The following NTSR1 variants were observed in gnomAD, a reference collection of about 807,000 sequenced individuals.
NTSR1 encodes the protein neurotensin receptor type 1.
A neutral mutation model predicts 31.2 loss-of-function variants in NTSR1; 29 were observed. That is an observed-to-expected ratio of 0.93 (90% confidence interval 0.69 to 1.27). The LOEUF (loss-of-function observed/expected upper bound fraction) is 1.27. Among genes scored for constraint, NTSR1 ranks in the 50% most tolerant of loss-of-function variants. The probability of loss-of-function intolerance (pLI) is 0.00; values close to 1 mark genes in which losing one functional copy is unlikely to be tolerated. For missense variants in NTSR1, 697 were observed against 595.4 expected, an observed-to-expected ratio of 1.17 and a Z score of -1.78; for synonymous variants, 282 against 269.9, an observed-to-expected ratio of 1.04 and a Z score of -0.44.
intron 1 of NTSR1, among the ~76,000 whole-genome samples, chr20:62,750,902 G>A (rs902217793): frequency 2.6e-5 from 4 of 152,076 alleles, no homozygotes; most frequent in South Asian, 2.1e-4. Flanking sequence ...TGCGATGGGC[G>A]TCTCACTCTG....
At chr20:62,749,592 T>C (rs1045444222) in intron 1 of NTSR1, among the ~76,000 whole-genome samples, 1 of 152,148 alleles carries the variant, frequency 6.6e-6, no homozygotes, top group Non-Finnish European at 1.5e-5. Flanking sequence ...AGGCAGTCTC[T>C]ACAAAATGGG....
rs997856176 is a variant in NTSR1, at chr20:62,720,224, C to A, written c.714+10303C>A. 7.2e-5 allele frequency among the ~76,000 whole-genome samples: 11 copies of A among 152,098 alleles called. No homozygotes were observed. The East Asian group carries it at 1.9e-3, about 27-fold the overall frequency. ...CTAAGGCAGGAGAATCGCTTTAACT[C>A]GGGAGGTGGAGGTTGCAATGAACCG... On this transcript the variant is annotated intron_variant, in intron 1 of 3. Transcript: ENST00000370501.
chr20:62,749,884 G>A (rs1989364037), intron 1 of NTSR1, among the ~76,000 whole-genome samples: 1 of 152,174 alleles, frequency 6.6e-6, no homozygotes, highest in African/African-American at 2.4e-5. Flanking sequence ...CGGAAAACAG[G>A]ATGGGGGCTC....
intron 1 of NTSR1, among the ~76,000 whole-genome samples, chr20:62,734,380 C>T (rs1356990320): frequency 1.3e-5 from 2 of 152,114 alleles, no homozygotes; most frequent in African/African-American, 4.8e-5. Context: ...GGAAGCCGAG[C>T]TCTGCTCCTG....
At position 62,723,499 on chromosome 20, in the gene NTSR1, G is replaced by A. The variant is rs113536172; in HGVS notation, c.714+13578G>A. Among the ~76,000 whole-genome samples the A allele has an allele frequency of 3.1e-3, 465 of 152,340 alleles. 5 individuals carry two copies. Among genetic ancestry groups the A allele is most frequent in the African/African-American group, 0.011 (438 of 41,574 alleles). ...CTGTCGACTTCAGGCTGCGTGCCCA[G>A]CAGGATGTGCACAGTAGGAAGCGGC... is the stretch of plus-strand genomic sequence containing the variant. On this transcript the variant is annotated intron_variant, in intron 1 of 3. Coordinates refer to ENST00000370501, the MANE Select transcript of NTSR1 (RefSeq NM_002531.3).
rs933618274 is a variant in NTSR1, at chr20:62,732,213, C to T, written c.714+22292C>T. Among the ~76,000 whole-genome samples, 1 of 151,998 alleles carries T rather than the reference C, an allele frequency of 6.6e-6. No homozygotes were observed. The highest frequency in any genetic ancestry group is 1.5e-5 in the Non-Finnish European group (1 of 68,016). ...TCCATCCTGTGAACTCACAGTATGACGTTAAATAGGAGTGAGGATAGGGGG... is the reference window on the plus strand; with the variant it reads ...TCCATCCTGTGAACTCACAGTATGATGTTAAATAGGAGTGAGGATAGGGGG... On this transcript the variant is annotated intron_variant, in intron 1 of 3. Transcript: ENST00000370501. This position sits in a 1 kb window ranked among gnomAD's most constrained non-coding sequence, Gnocchi z 4.0.
intron 1 of NTSR1, among the ~76,000 whole-genome samples, chr20:62,749,548 G>A (rs1427645181): frequency 6.6e-6 from 1 of 152,110 alleles, no homozygotes; most frequent in African/African-American, 2.4e-5. Context: ...AAAATGAAAA[G>A]TCTCTGCACA....
chr20:62,760,399 G>A lies in NTSR1; in HGVS notation c.*132G>A, dbSNP rs927941516. On this transcript the variant is annotated 3_prime_UTR_variant, in exon 4 of 4. Coordinates refer to ENST00000370501, the MANE Select transcript of NTSR1 (RefSeq NM_002531.3). ...CAGCCTGCACTGGAGTCTGAGGCCT[G>A]GGACCCCCCCCTCCCACCCCCTAAC... The A allele has an allele frequency of 2.0e-6, 2 of 997,590 alleles. No homozygotes were observed. The highest frequency in any genetic ancestry group is 3.4e-5 in the African/African-American group (2 of 58,964). 61.8% of individuals were successfully genotyped at this position (997,590 alleles called of 1,614,324 possible). A position where few individuals can be genotyped will look rare whatever the true frequency, so the allele number is the denominator to read the frequency against.
chr20:62,740,981 C>T (rs113339631), intron 1 of NTSR1, among the ~76,000 whole-genome samples: 96 of 152,172 alleles, frequency 6.3e-4, no homozygotes, highest in African/African-American at 2.1e-3. Context: ...CTCAGAGTGA[C>T]TAATGGGGCA....
intron 1 of NTSR1, among the ~76,000 whole-genome samples, chr20:62,753,070 CT>C (rs1231113891): frequency 6.6e-6 from 1 of 152,208 alleles, no homozygotes; most frequent in Non-Finnish European, 1.5e-5. Context: ...TGAGTGCCCC[CT>C]CTCCATGCAT....
At chr20:62,731,472 A>AACCCAAGATACCTAGATTTTAT (rs1185318331) in intron 1 of NTSR1, among the ~76,000 whole-genome samples, 2 of 152,202 alleles carry the variant, frequency 1.3e-5, no homozygotes, top group African/African-American at 2.4e-5. Flanking sequence ...CTCATTGCCA[A>AACCCAAGATACCTAGATTTTAT]ACCCAAGATA....
At chr20:62,740,620 C>T (rs1303668955) in intron 1 of NTSR1, among the ~76,000 whole-genome samples, 2 of 152,200 alleles carry the variant, frequency 1.3e-5, no homozygotes, top group Admixed American at 1.3e-4. Flanking sequence ...CCCCACCTGG[C>T]CACGGTTTCC....
At chr20:62,731,418 T>C (rs377062735) in intron 1 of NTSR1, among the ~76,000 whole-genome samples, 2 of 152,166 alleles carry the variant, frequency 1.3e-5, no homozygotes, top group African/African-American at 4.8e-5. Context: ...GTCCAGCTTA[T>C]TCATTTTTTT....
Position 62,758,417 on chromosome 20 carries a change from T to A in NTSR1, c.1007+61T>A. ...AAGTAAGTGCTCCCAAAACAGATGG[T>A]GGGTGTGGCAGGCACTGCTGAGGGG... On this transcript the variant is annotated intron_variant, in intron 3 of 3. Transcript: ENST00000370501. The surrounding 1 kb of genome is among the most constrained non-coding windows in gnomAD (Gnocchi z 4.5). 1 of 1,478,148 alleles carries A rather than the reference T, an allele frequency of 6.8e-7. No homozygotes were observed. Among genetic ancestry groups the A allele is most frequent in the Non-Finnish European group, 9.4e-7 (1 of 1,061,122 alleles). 91.6% of individuals were successfully genotyped at this position (1,478,148 alleles called of 1,614,324 possible).
chr20:62,737,571 G>A (rs773877217), intron 1 of NTSR1, among the ~76,000 whole-genome samples: 1 of 152,114 alleles, frequency 6.6e-6, no homozygotes, highest in Non-Finnish European at 1.5e-5. Context: ...CGAGCCCTCT[G>A]TGGCCTTGCC....
chr20:62,731,373 C>A (rs1449898072), intron 1 of NTSR1, among the ~76,000 whole-genome samples: 1 of 152,152 alleles, frequency 6.6e-6, no homozygotes, highest in Non-Finnish European at 1.5e-5. Flanking sequence ...TGTGAGCCAC[C>A]ACGCCCAGCC....
rs1989269855 is a variant in NTSR1 at position 62,744,800 on chromosome 20, G to T, written c.715-9885G>T. Among the ~76,000 whole-genome samples, 1 of 152,126 alleles carries T rather than the reference G, an allele frequency of 6.6e-6. No homozygotes were observed. Among genetic ancestry groups the T allele is most frequent in the Admixed American group, 6.5e-5 (1 of 15,276 alleles). ...GAGCTCACAGCTGGCCAGGGAACAAGCCAGGCCCCCACTTCTGGCACCAAA... is the reference window on the plus strand; with the variant it reads ...GAGCTCACAGCTGGCCAGGGAACAATCCAGGCCCCCACTTCTGGCACCAAA... On this transcript the variant is annotated intron_variant, in intron 1 of 3. Transcript: ENST00000370501. This position sits in a 1 kb window ranked among gnomAD's most constrained non-coding sequence, Gnocchi z 4.1.
At chr20:62,716,117 T>C (rs559279703) in intron 1 of NTSR1, among the ~76,000 whole-genome samples, 1 of 152,338 alleles carries the variant, frequency 6.6e-6, no homozygotes, top group African/African-American at 2.4e-5. Context: ...CACGTTCACA[T>C]TGCTGTGCAA....
At position 62,711,935 on chromosome 20, in the gene NTSR1, G is replaced by C. The variant is rs971809360; in HGVS notation, c.714+2014G>C. ...ATCAACCGTAGGACAGCGGCCCCACGCCCTGCAGACGCCATGCTGGCCGAG... is the reference window on the plus strand; with the variant it reads ...ATCAACCGTAGGACAGCGGCCCCACCCCCTGCAGACGCCATGCTGGCCGAG... On this transcript the variant is annotated intron_variant, in intron 1 of 3. Coordinates refer to ENST00000370501, the MANE Select transcript of NTSR1 (RefSeq NM_002531.3). This position sits in a 1 kb window ranked among gnomAD's most constrained non-coding sequence, Gnocchi z 6.4. Among the ~76,000 whole-genome samples the C allele has an allele frequency of 3.3e-5, 5 of 152,202 alleles. No homozygotes were observed. The highest frequency in any genetic ancestry group is 4.4e-5 in the Non-Finnish European group (3 of 68,036).
Sources: gnomAD v4.1 joint callset for allele counts (sites outside exome capture counted in the v4.1 genomes callset) on GRCh38, gnomAD v4.1.1 for gene constraint, Gnocchi (gnomAD v3.1) non-coding constraint, MANE v1.5 for transcripts, NCBI Gene and HGNC (gene_info 2026-07-23, HGNC 2026-07-21) for gene names.